Variants in SLC16A12 observed in about 807,000 individuals in gnomAD.
The protein encoded by SLC16A12 is solute carrier family 16 member 12, also known as monocarboxylate transporter 12.
In SLC16A12, 17 loss-of-function variants were observed where a neutral mutation model predicts 42.4. That is an observed-to-expected ratio of 0.40 (90% confidence interval 0.27 to 0.60). The LOEUF (loss-of-function observed/expected upper bound fraction) is 0.60, where lower values mean the gene tolerates loss of function less well. Among genes scored for constraint, SLC16A12 ranks in the 20% least tolerant of loss-of-function variants. SLC16A12 has a pLI of 0.42. For synonymous variants in SLC16A12, 224 were observed against 229.4 expected (o/e 0.98, Z 0.21); for missense variants, 544 against 623.0 (o/e 0.87, Z 1.35).
chr10:89,464,956 C>A (rs1005203344), intron 2 of SLC16A12, among the ~76,000 whole-genome samples: 16 of 152,122 alleles, frequency 1.1e-4, no homozygotes, highest in African/African-American at 3.9e-4. Context: ...CCAATACTGG[C>A]ATAAATACTA....
chr10:89,439,238 T>G, intron 5 of SLC16A12, 55 bp from the exon 6 acceptor site: 1 of 1,507,342 alleles, frequency 6.6e-7, no homozygotes, highest in Non-Finnish European at 9.2e-7. Context: ...GCCAATGATA[T>G]CTCAGAATAC....
chr10:89,465,899 C>T (rs1013811523), intron 2 of SLC16A12, among the ~76,000 whole-genome samples: 4 of 152,112 alleles, frequency 2.6e-5, no homozygotes, highest in African/African-American at 9.7e-5. Flanking sequence ...GAAATGTTTC[C>T]CTGTTCTTAA....
intron 2 of SLC16A12, among the ~76,000 whole-genome samples, chr10:89,521,654 T>C (rs1843359481): frequency 6.6e-6 from 1 of 152,126 alleles, no homozygotes; most frequent in South Asian, 2.1e-4. Context: ...TGCCTCTCTC[T>C]GTCCAGAGAG....
chr10:89,549,746 T>A (rs560347990), intron 2 of SLC16A12, among the ~76,000 whole-genome samples: 4 of 152,170 alleles, frequency 2.6e-5, no homozygotes, highest in Non-Finnish European at 5.9e-5. Flanking sequence ...TATTAGCCAT[T>A]CTGGTCTACA....
At chr10:89,526,273 G>A (rs1485752526) in intron 2 of SLC16A12, among the ~76,000 whole-genome samples, 4 of 152,154 alleles carry the variant, frequency 2.6e-5, no homozygotes, top group African/African-American at 9.7e-5. Flanking sequence ...TGAATACAGA[G>A]AACGGCACTT....
chr10:89,504,724 ATTTAT>A (rs1046460937), intron 2 of SLC16A12, among the ~76,000 whole-genome samples: 1 of 152,310 alleles, frequency 6.6e-6, no homozygotes, highest in Admixed American at 6.5e-5. Context: ...CAAAAAGGAG[ATTTAT>A]TTTATGCTAA....
chr10:89,472,846 C>T (rs530622548), intron 2 of SLC16A12, among the ~76,000 whole-genome samples: 1 of 151,876 alleles, frequency 6.6e-6, no homozygotes, highest in African/African-American at 2.4e-5. Flanking sequence ...GAGACAGGAT[C>T]TCACTCTGTC....
At position 89,431,554 on chromosome 10, in the gene SLC16A12, TG is replaced by T. The variant is rs1359432979; in HGVS notation, c.*1509del. ...ATTAACTCAGGATCATCCTCATTGC[TG>T]TTTTTTTTCCCCCAGCACTTGTGAG... On this transcript the variant is annotated 3_prime_UTR_variant, in exon 8 of 8. Coordinates refer to ENST00000371790, the MANE Select transcript of SLC16A12 (RefSeq NM_213606.4). 1 of 152,246 alleles carries T rather than the reference TG, an allele frequency of 6.6e-6. No individual in the cohort carries two copies. The highest frequency in any genetic ancestry group is 2.4e-5 in the African/African-American group (1 of 41,470). The allele number at this position is 152,246 out of a possible 1,614,324, so 9.4% of individuals were successfully genotyped here. A position where few individuals can be genotyped will look rare whatever the true frequency, so the allele number is the denominator to read the frequency against.
At chr10:89,444,281 T>C (rs1026493638) in intron 3 of SLC16A12, among the ~76,000 whole-genome samples, 5 of 152,180 alleles carry the variant, frequency 3.3e-5, no homozygotes, top group African/African-American at 9.7e-5. Context: ...TGATGATAGA[T>C]AGATAAAAGG....
At chr10:89,465,880 G>A (rs1842386961) in intron 2 of SLC16A12, among the ~76,000 whole-genome samples, 1 of 152,212 alleles carries the variant, frequency 6.6e-6, no homozygotes, top group Non-Finnish European at 1.5e-5. Context: ...ATGGAGAGAA[G>A]TCCTCTGGGA....
In SLC16A12 at chr10:89,436,206, C is replaced by G. The variant is rs771565137; in HGVS notation, c.1142G>C (p.Cys381Ser). The stretch of plus-strand genomic sequence containing the variant: ...GGCACCATCAAAGTAGCCAAAGGTA[C>G]AAGAGAAAGGCACGAGCAGAGGGAG... ...QSLPLLVPFS[C>S]TFGYFDGAYV... Residue 381 changes from cysteine (C) to serine (S), a missense_variant, in exon 7 of 8, where the codon TGT (cysteine) becomes TCT (serine). By Grantham distance (112) the Cys-to-Ser change is moderately radical. Coordinates refer to ENST00000371790, the MANE Select transcript of SLC16A12 (RefSeq NM_213606.4). 3 of 1,614,004 alleles carry G rather than the reference C, an allele frequency of 1.9e-6. No homozygotes were observed. The highest frequency in any genetic ancestry group is 1.7e-6 in the Non-Finnish European group (2 of 1,179,984).
intron 2 of SLC16A12, among the ~76,000 whole-genome samples, chr10:89,495,049 C>A (rs1842902083): frequency 6.6e-6 from 1 of 152,098 alleles, no homozygotes; most frequent in Non-Finnish European, 1.5e-5. Context: ...CTATATTACT[C>A]TAAAAACACT....
intron 3 of SLC16A12, among the ~76,000 whole-genome samples, chr10:89,460,370 G>C (rs966939149): frequency 6.6e-6 from 1 of 152,080 alleles, no homozygotes; most frequent in African/African-American, 2.4e-5. Context: ...TATCAGTGAT[G>C]AGAAGTCACA....
At chr10:89,504,424 A>G (rs1843030305) in intron 2 of SLC16A12, among the ~76,000 whole-genome samples, 1 of 152,168 alleles carries the variant, frequency 6.6e-6, no homozygotes, top group Non-Finnish European at 1.5e-5. Context: ...TCTGGCCCAT[A>G]ATCAAACACA....
Position 89,483,455 on chromosome 10 carries a change from A to G in SLC16A12, c.-46-20831T>C, listed in dbSNP as rs141780930. Among the ~76,000 whole-genome samples the G allele has an allele frequency of 3.3e-3, 500 of 152,258 alleles. 3 individuals are homozygous for G. Among genetic ancestry groups the G allele is most frequent in the African/African-American group, 0.011 (464 of 41,564 alleles). On this transcript the variant is annotated intron_variant, in intron 2 of 7. Transcript: ENST00000371790. ...TACTCCAATGTGGTTTAGAAAGATG[A>G]TGATTTTTGAGGTCTGCCTCCCCAA...
intron 2 of SLC16A12, among the ~76,000 whole-genome samples, chr10:89,511,638 G>A (rs1457555077): frequency 6.6e-6 from 1 of 152,104 alleles, no homozygotes; most frequent in Non-Finnish European, 1.5e-5. Flanking sequence ...TGTAAATGAC[G>A]AGTTGATGGG....
rs1312371082 is a variant in SLC16A12, at chr10:89,462,454, G to C, written c.125C>G (p.Pro42Arg). 1.2e-6 allele frequency: 2 copies of C among 1,614,072 alleles called. No homozygotes were observed. Among genetic ancestry groups the C allele is most frequent in the East Asian group, 2.2e-5 (1 of 44,874 alleles). The change falls in exon 3 of 8, where the codon CCT becomes CGT. Residue 42 changes from proline (P) to arginine (R), a missense_variant. Transcript: ENST00000371790. ...CATCCAGCCCCAGCCTCCATCTGGA[G>C]GGGAGGTAGACCGAGCTCTATTTAC... ...AKVNRARSTS[P>R]PDGGWGWMIV... is the part of the protein sequence containing the mutation.
In SLC16A12 at chr10:89,431,297, C is replaced by A. The variant is rs1841691546; in HGVS notation, c.*1767G>T. The A allele has an allele frequency of 6.6e-6, 1 of 152,148 alleles. No individual in the cohort carries two copies. Among genetic ancestry groups the A allele is most frequent in the African/African-American group, 2.4e-5 (1 of 41,416 alleles). 9.4% of individuals were successfully genotyped at this position (152,148 alleles called of 1,614,324 possible). A position where few individuals can be genotyped will look rare whatever the true frequency, so the allele number is the denominator to read the frequency against. ...CAGGCGTGAGCGACCATGCCCAGTC[C>A]CAAATATTTTTAAAATTGCAAATGA... On this transcript the variant is annotated 3_prime_UTR_variant, in exon 8 of 8. Transcript: ENST00000371790.
chr10:89,432,728 C>T lies in SLC16A12; in HGVS notation c.*336G>A. ...GCCTGAGACTGGAACAAAGCTGCTG[C>T]CCAGTGTCATCTGCTTTGGTTATGC... On this transcript the variant is annotated 3_prime_UTR_variant, in exon 8 of 8. Coordinates refer to ENST00000371790, the MANE Select transcript of SLC16A12 (RefSeq NM_213606.4). 3.8e-6 allele frequency: 1 copy of T among 260,566 alleles called. No homozygotes were observed. Among genetic ancestry groups the T allele is most frequent in the Non-Finnish European group, 7.5e-6 (1 of 133,386 alleles). 16.1% of individuals were successfully genotyped at this position (260,566 alleles called of 1,614,324 possible). A position where few individuals can be genotyped will look rare whatever the true frequency, so the allele number is the denominator to read the frequency against.
Sources: gnomAD v4.1 joint callset for allele counts (sites outside exome capture counted in the v4.1 genomes callset) on GRCh38, gnomAD v4.1.1 for gene constraint, MANE v1.5 for transcripts, NCBI Gene and HGNC (gene_info 2026-07-23, HGNC 2026-07-21) for gene names.